TMEM204: variants seen among roughly 807,000 people sequenced by gnomAD.
TMEM204 encodes the protein transmembrane protein 204.
Under a neutral mutation model 19.4 loss-of-function variants are expected in TMEM204, and 15 were observed. The observed-to-expected ratio is 0.77, with a 90% confidence interval of 0.52 to 1.19. The LOEUF (loss-of-function observed/expected upper bound fraction) is 1.19. TMEM204 is among the 50% of genes most tolerant of loss of function. The pLI is 0.00. For synonymous variants in TMEM204, 161 were observed against 146.0 expected (o/e 1.10, Z -0.74); for missense variants, 287 against 321.2 (o/e 0.89, Z 0.81).
At chr16:1,548,214 C>T (rs1010089713) in intron 2 of TMEM204, among the ~76,000 whole-genome samples, 5 of 152,216 alleles carry the variant, frequency 3.3e-5, no homozygotes, top group Non-Finnish European at 7.3e-5. Context: ...CCGTCTGCTC[C>T]GCATAGATTC....
chr16:1,552,248 C>T (rs553011594), intron 2 of TMEM204, among the ~76,000 whole-genome samples: 5 of 152,286 alleles, frequency 3.3e-5, no homozygotes, highest in African/African-American at 1.2e-4. Flanking sequence ...GGTATAACCT[C>T]CTCCCGCCCT....
upstream of TMEM204, chr16:1,528,825 G>C (rs1035708981): frequency 1.3e-5 from 2 of 152,338 alleles, no homozygotes; most frequent in Non-Finnish European, 2.9e-5. Flanking sequence ...GCTGCGTGCA[G>C]CTGGGCGTTT....
chr16:1,540,408 C>T (rs1352933715), intron 1 of TMEM204, among the ~76,000 whole-genome samples: 3 of 152,226 alleles, frequency 2.0e-5, no homozygotes, highest in Non-Finnish European at 4.4e-5. Context: ...TTGATGCCAG[C>T]GTGCCTGCCC....
chr16:1,542,969 T>C (rs1481337827), intron 2 of TMEM204, among the ~76,000 whole-genome samples: 1 of 152,228 alleles, frequency 6.6e-6, no homozygotes, highest in Admixed American at 6.5e-5. Context: ...GACAAGTGCT[T>C]GAGCCACAGC....
chr16:1,541,997 G>T lies in TMEM204; in HGVS notation c.357G>T (p.Leu119=). Residue 119 remains leucine (L), a synonymous_variant, in exon 2 of 3, where the codon CTG becomes CTT. Coordinates refer to ENST00000566264, the MANE Select transcript of TMEM204 (RefSeq NM_024600.6). ...ALTAGQLTFL[L]GLVGLPLLSP... Reference sequence around the variant, plus strand: ...CCGCAGGCCAGCTCACCTTCCTCCTGGGGCTGGTGGGCCTGCCCCTGCTGT... The same window carrying T: ...CCGCAGGCCAGCTCACCTTCCTCCTTGGGCTGGTGGGCCTGCCCCTGCTGT... 1 of 1,611,338 alleles carries T rather than the reference G, an allele frequency of 6.2e-7. No homozygotes were observed. Among genetic ancestry groups the T allele is most frequent in the Non-Finnish European group, 8.5e-7 (1 of 1,179,644 alleles).
intron 2 of TMEM204, among the ~76,000 whole-genome samples, chr16:1,543,352 T>C (rs765420377): frequency 2.0e-5 from 3 of 152,238 alleles, no homozygotes; most frequent in Non-Finnish European, 2.9e-5. Context: ...GCTGACAGAC[T>C]GTGGGGGCAG....
At chr16:1,544,489 C>A (rs2031973144) in intron 2 of TMEM204, among the ~76,000 whole-genome samples, 2 of 150,776 alleles carry the variant, frequency 1.3e-5, no homozygotes, top group Non-Finnish European at 3.0e-5. Context: ...CTGGCCACGC[C>A]CCACTAATTT....
chr16:1,540,938 TGCAGCGTGCA>T (rs1181467347), intron 1 of TMEM204: 1 of 985,320 alleles, frequency 1.0e-6, no homozygotes, highest in Non-Finnish European at 1.2e-6. Flanking sequence ...TTGTCTGCTC[TGCAGCGTGCA>T]GGGGCCTGGG....
At chr16:1,539,506 G>A (rs750382836) in intron 1 of TMEM204, among the ~76,000 whole-genome samples, 10 of 152,280 alleles carry the variant, frequency 6.6e-5, no homozygotes, top group Admixed American at 2.6e-4. Flanking sequence ...GTCCTCACCT[G>A]CTGCCAGGCT....
At chr16:1,529,502 C>T (rs948661317), upstream of TMEM204, among the ~76,000 whole-genome samples, 2 of 152,218 alleles carry the variant, frequency 1.3e-5, no homozygotes, top group African/African-American at 2.4e-5. Flanking sequence ...GTGCCCCAGG[C>T]GCAGCGTCCT....
In TMEM204 at chr16:1,534,247, C is replaced by G. The variant is rs745948650; in HGVS notation, c.-29C>G. 1.5e-5 allele frequency: 24 copies of G among 1,606,184 alleles called. No individual in the cohort carries two copies. In the East Asian group the frequency reaches 5.4e-4, roughly 36 times the overall value. ...GCCGCGGACTGGGACTTGGCTTTCTCCGGATAAGCGGCGGCACCGGCGTCA... is the reference window on the plus strand; with the variant it reads ...GCCGCGGACTGGGACTTGGCTTTCTGCGGATAAGCGGCGGCACCGGCGTCA... On this transcript the variant is annotated 5_prime_UTR_variant, in exon 1 of 3. Coordinates refer to ENST00000566264, the MANE Select transcript of TMEM204 (RefSeq NM_024600.6).
At chr16:1,541,576 C>T (rs2141287385) in intron 1 of TMEM204, 1 of 865,012 alleles carries the variant, frequency 1.2e-6, no homozygotes, top group East Asian at 1.2e-4. Flanking sequence ...TTCCCACCTC[C>T]ACCCCCACGC....
rs754970737 is a variant in TMEM204 at position 1,534,381 on chromosome 16, G to C, written c.106G>C (p.Glu36Gln). The change falls in exon 1 of 3, where the codon GAG (glutamate) becomes CAG (glutamine). Residue 36 changes from glutamate (E) to glutamine (Q), a missense_variant. By Grantham distance (29) the Glu-to-Gln change is conservative (BLOSUM62 2). Coordinates refer to ENST00000566264, the MANE Select transcript of TMEM204 (RefSeq NM_024600.6). ...CTCCAACTGGGTGTGCCAGACGCTGGAGGATGGGCGCAGGCGCAGCGTGGG... is the reference window on the plus strand; with the variant it reads ...CTCCAACTGGGTGTGCCAGACGCTGCAGGATGGGCGCAGGCGCAGCGTGGG... ...FTSNWVCQTL[E>Q]DGRRRSVGLW... The C allele has an allele frequency of 6.2e-7, 1 of 1,612,830 alleles. No individual in the cohort carries two copies. Among genetic ancestry groups the C allele is most frequent in the Admixed American group, 1.7e-5 (1 of 60,030 alleles).
At position 1,553,589 on chromosome 16, in the gene TMEM204, G is replaced by A. The variant is rs1377823278; in HGVS notation, c.437-1193G>A. The A allele has an allele frequency of 9.7e-7, 1 of 1,025,802 alleles. No homozygotes were observed. Among genetic ancestry groups the A allele is most frequent in the East Asian group, 8.3e-5 (1 of 12,070 alleles). 63.5% of individuals were successfully genotyped at this position (1,025,802 alleles called of 1,614,324 possible). On this transcript the variant is annotated intron_variant, in intron 2 of 2. Transcript: ENST00000566264. This position sits in a 1 kb window ranked among gnomAD's most constrained non-coding sequence, Gnocchi z 4.4. ...TCTGGACCAGTGTAAGTTACAGAGA[G>A]TCTCTGGCACTTTGGGTACAAGAAA... is the stretch of plus-strand genomic sequence containing the variant.
At position 1,538,018 on chromosome 16, in the gene TMEM204, C is replaced by CAGCCACGCAG. The variant is rs755034925; in HGVS notation, c.280+3483_280+3492dup. Among the ~76,000 whole-genome samples the CAGCCACGCAG allele has an allele frequency of 5.9e-5, 9 of 152,338 alleles. No homozygotes were observed. In the Middle Eastern group the frequency reaches 0.01, roughly 173 times the overall value. ...TTTAAAAGTCAGCTGCTACCACGCA[C>CAGCCACGCAG]AGCCACGCAGAGCCACGCAGAGCCA... is the stretch of plus-strand genomic sequence containing the variant. On this transcript the variant is annotated intron_variant, in intron 1 of 2. Coordinates refer to ENST00000566264, the MANE Select transcript of TMEM204 (RefSeq NM_024600.6).
At chr16:1,550,168 G>C (rs541428457) in intron 2 of TMEM204, among the ~76,000 whole-genome samples, 44 of 152,108 alleles carry the variant, frequency 2.9e-4, no homozygotes, top group African/African-American at 1.0e-3. Flanking sequence ...TCAAACTCCC[G>C]GGCTCAAGCA....
At chr16:1,552,931 G>A (rs2032786641) in intron 2 of TMEM204, 1 of 980,942 alleles carries the variant, frequency 1.0e-6, no homozygotes, top group Non-Finnish European at 1.2e-6. Flanking sequence ...GCGATTATAG[G>A]CGTAAACCAC....
intron 1 of TMEM204, 124 bp from the exon 2 acceptor site, chr16:1,541,797 G>A: frequency 8.4e-7 from 1 of 1,190,918 alleles, no homozygotes; most frequent in Non-Finnish European, 1.2e-6. Flanking sequence ...CTGCCCAATG[G>A]AGGCACAGCC....
chr16:1,539,180 C>T (rs973914352), intron 1 of TMEM204, among the ~76,000 whole-genome samples: 7 of 151,970 alleles, frequency 4.6e-5, no homozygotes, highest in Non-Finnish European at 1.0e-4. Flanking sequence ...CACGCCGCCC[C>T]ACGCCTTGGG....
Sources: gnomAD v4.1 joint callset for allele counts (sites outside exome capture counted in the v4.1 genomes callset) on GRCh38, gnomAD v4.1.1 for gene constraint, Gnocchi (gnomAD v3.1) non-coding constraint, MANE v1.5 for transcripts, NCBI Gene and HGNC (gene_info 2026-07-23, HGNC 2026-07-21) for gene names.